ABR: variants seen among roughly 807,000 people sequenced by gnomAD.
ABR encodes ABR activator of RhoGEF and GTPase, also known as active breakpoint cluster region-related protein.
In ABR, 35 loss-of-function variants were observed where a neutral mutation model predicts 107.2. The ratio of observed to expected loss-of-function variants is 0.33; its 90% CI spans 0.25 to 0.43. ABR has a LOEUF of 0.43. Among genes scored for constraint, ABR ranks in the 20% least tolerant of loss-of-function variants. The probability of loss-of-function intolerance (pLI) is 1.00; values close to 1 mark genes in which losing one functional copy is unlikely to be tolerated. For missense variants in ABR, 815 were observed against 1,115.2 expected, an observed-to-expected ratio of 0.73 and a Z score of 3.83; for synonymous variants, 498 against 462.0, an observed-to-expected ratio of 1.08 and a Z score of -1.00.
intron 16 of ABR, among the ~76,000 whole-genome samples, chr17:1,013,703 T>C (rs754807665): frequency 2.6e-5 from 4 of 152,210 alleles, no homozygotes; most frequent in Non-Finnish European, 4.4e-5. Context: ...GCCTCAGTTA[T>C]TCCATCTGCA....
At chr17:1,149,880 C>G (rs1384068049) in intron 1 of ABR, among the ~76,000 whole-genome samples, 2 of 152,232 alleles carry the variant, frequency 1.3e-5, no homozygotes, top group African/African-American at 2.4e-5. Flanking sequence ...GTTGCTTCAT[C>G]TCTCTGTGCT....
intron 16 of ABR, among the ~76,000 whole-genome samples, chr17:1,034,029 G>A (rs898328762): frequency 1.3e-5 from 2 of 149,086 alleles, no homozygotes; most frequent in African/African-American, 5.0e-5. Context: ...GGAGTGCAGT[G>A]GTGCAATCTT....
At chr17:1,226,810 T>G (rs1229656689) in intron 1 of ABR, among the ~76,000 whole-genome samples, 1 of 151,944 alleles carries the variant, frequency 6.6e-6, no homozygotes, top group East Asian at 1.9e-4. Context: ...TGCAGGTGTG[T>G]GTGTATATGT....
intron 1 of ABR, among the ~76,000 whole-genome samples, chr17:1,213,683 G>A (rs1406392333): frequency 1.3e-5 from 2 of 151,160 alleles, no homozygotes; most frequent in Non-Finnish European, 3.0e-5. Context: ...GAGGCACCAC[G>A]CCCGGCCAAA....
At chr17:1,109,159 G>A (rs2038485653) in intron 2 of ABR, 20 of 1,275,256 alleles carry the variant, frequency 1.6e-5, no homozygotes, top group Middle Eastern at 2.8e-4. Flanking sequence ...GCGGGAGGGG[G>A]GGCAGGTCTA....
upstream of ABR, among the ~76,000 whole-genome samples, chr17:1,182,489 T>A (rs1279290340): frequency 6.6e-6 from 1 of 152,178 alleles, no homozygotes; most frequent in Non-Finnish European, 1.5e-5. Flanking sequence ...TGCCTCAGCC[T>A]CCCGAGTAGC....
At chr17:1,207,875 T>C (rs2042825229) in intron 1 of ABR, among the ~76,000 whole-genome samples, 2 of 151,918 alleles carry the variant, frequency 1.3e-5, no homozygotes, top group African/African-American at 2.4e-5. Flanking sequence ...GTTCAAGCGA[T>C]TCTCCTGCCT....
intron 10 of ABR, among the ~76,000 whole-genome samples, chr17:1,061,708 G>A (rs768800191): frequency 7.2e-5 from 11 of 151,964 alleles, no homozygotes; most frequent in Non-Finnish European, 1.3e-4. Flanking sequence ...CACCACACCC[G>A]GCTAACTTTT....
In ABR at chr17:1,148,345, A is replaced by C. The variant is rs1490258144; in HGVS notation, c.62-22978T>G. ...GAAAGAAGCTGGTCACAGAAAGGCA[A>C]ATACCACATGATTCCACTCGGATGA... On this transcript the variant is annotated intron_variant, in intron 1 of 22. Transcript: ENST00000302538. This position sits in a 1 kb window ranked among gnomAD's most constrained non-coding sequence, Gnocchi z 4.9. Among the ~76,000 whole-genome samples the C allele has an allele frequency of 6.6e-6, 1 of 152,248 alleles. No homozygotes were observed. The highest frequency in any genetic ancestry group is 6.5e-5 in the Admixed American group (1 of 15,278).
upstream of ABR, among the ~76,000 whole-genome samples, chr17:1,180,427 T>G (rs1218351142): frequency 6.6e-6 from 1 of 151,918 alleles, no homozygotes; most frequent in Non-Finnish European, 1.5e-5. Context: ...CGCGCCTCTC[T>G]CCTCCCGAAC....
At position 1,057,649 on chromosome 17, in the gene ABR, ATGTGTGTATGTGTGTGTGTGTG is replaced by A. The variant is rs1294487646; in HGVS notation, c.1381+299_1381+320del. ...AAGCCACCGTACCCAGCCTCTGTGTATGTGTGTATGTGTGTGTGTGTGTGTGTGTGTGTGTCTCTGTGTGTGT... is the reference window on the plus strand; with the variant it reads ...AAGCCACCGTACCCAGCCTCTGTGTATGTGTGTGTGTGTCTCTGTGTGTGT... On this transcript the variant is annotated intron_variant, in intron 12 of 22. Coordinates refer to ENST00000302538, the MANE Select transcript of ABR (RefSeq NM_021962.5). Among the ~76,000 whole-genome samples, 643 of 137,614 alleles carry A rather than the reference ATGTGTGTATGTGTGTGTGTGTG, an allele frequency of 4.7e-3. 5 individuals are homozygous for A. The highest frequency in any genetic ancestry group is 0.017 in the African/African-American group (620 of 36,756). 90.3% of individuals were successfully genotyped at this position (137,614 alleles called of 152,430 possible).
At chr17:1,093,770 G>A (rs1412915819) in intron 3 of ABR, among the ~76,000 whole-genome samples, 1 of 152,082 alleles carries the variant, frequency 6.6e-6, no homozygotes, top group Non-Finnish European at 1.5e-5. Context: ...TCATTCTGAT[G>A]AAGTCTCATC....
At chr17:1,119,529 G>GAGCCTGAGTTCTTCCCAGCA (rs2039246797) in intron 2 of ABR, among the ~76,000 whole-genome samples, 1 of 87,556 alleles carries the variant, frequency 1.1e-5, no homozygotes, top group Non-Finnish European at 2.5e-5. Context: ...TCTTCCCAGC[G>GAGCCTGAGTTCTTCCCAGCA]TTATTGCCTG....
intron 21 of ABR, among the ~76,000 whole-genome samples, chr17:1,008,446 C>T (rs985100688): frequency 1.3e-5 from 2 of 152,208 alleles, no homozygotes; most frequent in Non-Finnish European, 2.9e-5. Flanking sequence ...CCTCACCACA[C>T]GCGCGCACAC....
At position 1,111,495 on chromosome 17, in the gene ABR, C is replaced by CTCCGTCTGGACCTGG. The variant is rs1399245967; in HGVS notation, c.247-10761_247-10760insCCAGGTCCAGACGGA. On this transcript the variant is annotated intron_variant, in intron 2 of 22. Transcript: ENST00000302538. Reference sequence around the variant, plus strand: ...GAGCCAGCCCTGGACCTGAGCTCCACACTCCATCTGCCTCGGCCTGGCTCC... The same window carrying CTCCGTCTGGACCTGG: ...GAGCCAGCCCTGGACCTGAGCTCCACTCCGTCTGGACCTGGACTCCATCTGCCTCGGCCTGGCTCC... 3.9e-3 allele frequency among the ~76,000 whole-genome samples: 590 copies of CTCCGTCTGGACCTGG among 152,296 alleles called. 3 individuals are homozygous for CTCCGTCTGGACCTGG. Among genetic ancestry groups the CTCCGTCTGGACCTGG allele is most frequent in the African/African-American group, 0.013 (559 of 41,580 alleles).
Position 1,011,035 on chromosome 17 carries a change from G to C in ABR, c.2102-172C>G. The C allele has an allele frequency of 1.2e-6, 1 of 806,800 alleles. No individual in the cohort carries two copies. The highest frequency in any genetic ancestry group is 1.9e-6 in the Non-Finnish European group (1 of 518,142). 50.0% of individuals were successfully genotyped at this position (806,800 alleles called of 1,614,324 possible). A position where few individuals can be genotyped will look rare whatever the true frequency, so the allele number is the denominator to read the frequency against. On this transcript the variant is annotated intron_variant, in intron 19 of 22. Transcript: ENST00000302538. This position sits in a 1 kb window ranked among gnomAD's most constrained non-coding sequence, Gnocchi z 4.8. ...GTCTGTGACTCGGCTCTGTGGGTCG[G>C]GGTTGGGGGAACAGGGAGAGATAGC...
intron 5 of ABR, among the ~76,000 whole-genome samples, chr17:1,079,808 A>G (rs1308383471): frequency 1.2e-3 from 129 of 105,030 alleles, no homozygotes; most frequent in Middle Eastern, 4.5e-3. Flanking sequence ...AAAAAAAAAA[A>G]AAAAAAAAAA....
intron 16 of ABR, among the ~76,000 whole-genome samples, chr17:1,038,762 C>T (rs1490333569): frequency 3.3e-5 from 5 of 152,262 alleles, no homozygotes; most frequent in Admixed American, 6.5e-5. Flanking sequence ...AGGTGACCCC[C>T]GCTCAGCATT....
chr17:1,078,969 C>T lies in ABR; in HGVS notation c.700+361G>A, dbSNP rs1331719354. 1.3e-6 allele frequency: 2 copies of T among 1,504,576 alleles called. No individual in the cohort carries two copies. Among genetic ancestry groups the T allele is most frequent in the African/African-American group, 1.4e-5 (1 of 72,378 alleles). The allele number at this position is 1,504,576 out of a possible 1,614,324, so 93.2% of individuals were successfully genotyped here. On this transcript the variant is annotated intron_variant, in intron 6 of 22. Transcript: ENST00000302538. This position sits in a 1 kb window ranked among gnomAD's most constrained non-coding sequence, Gnocchi z 7.5. The stretch of plus-strand genomic sequence containing the variant: ...CTTGCTGATGCTGCCGCACGGACTC[C>T]AGCATCGGGCAGCCGCTCCGGAGTG...
Sources: gnomAD v4.1 joint callset for allele counts (sites outside exome capture counted in the v4.1 genomes callset) on GRCh38, gnomAD v4.1.1 for gene constraint, Gnocchi (gnomAD v3.1) non-coding constraint, MANE v1.5 for transcripts, NCBI Gene and HGNC (gene_info 2026-07-23, HGNC 2026-07-21) for gene names.